CHRM3: variants seen among roughly 807,000 people sequenced by gnomAD.
CHRM3 encodes cholinergic receptor muscarinic 3, also known as muscarinic acetylcholine receptor M3.
In CHRM3, 11 loss-of-function variants were observed where a neutral mutation model predicts 41.8. The observed-to-expected ratio is 0.26, with a 90% CI of 0.17 to 0.44. The LOEUF is 0.44. Ranked by LOEUF, CHRM3 falls within the 20% of genes least tolerant of loss-of-function variation. CHRM3 has a pLI of 1.00. For synonymous variants in CHRM3, 297 were observed against 301.4 expected (o/e 0.99, Z 0.15); for missense variants, 571 against 745.4 (o/e 0.77, Z 2.72).
intron 1 of CHRM3, among the ~76,000 whole-genome samples, chr1:239,446,789 A>C (rs1166096946): frequency 6.6e-6 from 1 of 152,176 alleles, no homozygotes; most frequent in Non-Finnish European, 1.5e-5. Context: ...AGTGGTGGAA[A>C]GTTGGTGCAA....
At chr1:239,834,310 CTT>C (rs71168857) in intron 6 of CHRM3, among the ~76,000 whole-genome samples, 67 of 118,282 alleles carry the variant, frequency 5.7e-4, no homozygotes, top group African/African-American at 2.1e-3. Context: ...AACTTAATGC[CTT>C]TTTTTTTTTT....
At chr1:239,629,894 A>T (rs1411143769) in intron 3 of CHRM3, among the ~76,000 whole-genome samples, 1 of 152,144 alleles carries the variant, frequency 6.6e-6, no homozygotes, top group Non-Finnish European at 1.5e-5. Flanking sequence ...TGCCAATCTT[A>T]GTTTGATTAT....
chr1:239,652,724 C>T (rs148807353), intron 4 of CHRM3, among the ~76,000 whole-genome samples: 301 of 152,166 alleles, frequency 2.0e-3, no homozygotes, highest in African/African-American at 6.7e-3. Flanking sequence ...CTAAATGTTA[C>T]TTCTACTTAT....
intron 4 of CHRM3, among the ~76,000 whole-genome samples, chr1:239,674,085 C>A (rs1558441444): frequency 6.6e-6 from 1 of 152,122 alleles, no homozygotes; most frequent in East Asian, 1.9e-4. Flanking sequence ...ACCTGAAACA[C>A]TTCTGATCCC....
chr1:239,710,815 C>T (rs190089147), intron 5 of CHRM3, among the ~76,000 whole-genome samples: 16 of 151,876 alleles, frequency 1.1e-4, no homozygotes, highest in African/African-American at 3.6e-4. Context: ...GTTGACCACT[C>T]CTCAACCATG....
intron 5 of CHRM3, among the ~76,000 whole-genome samples, chr1:239,802,469 C>T (rs1670297759): frequency 6.6e-6 from 1 of 152,138 alleles, no homozygotes; most frequent in Non-Finnish European, 1.5e-5. Context: ...CGAATGATCC[C>T]ATCAAAAGGC....
intron 1 of CHRM3, among the ~76,000 whole-genome samples, chr1:239,475,324 G>GT (rs1300217312): frequency 1.3e-5 from 2 of 152,066 alleles, no homozygotes; most frequent in Admixed American, 6.5e-5. Flanking sequence ...ATTATATTAT[G>GT]TTCAGAATGT....
chr1:239,811,126 G>A (rs116348446), intron 5 of CHRM3, among the ~76,000 whole-genome samples: 82 of 152,290 alleles, frequency 5.4e-4, no homozygotes, highest in Non-Finnish European at 8.2e-4. Flanking sequence ...GATAGAAGCC[G>A]TCCTGACTCA....
intron 6 of CHRM3, among the ~76,000 whole-genome samples, chr1:239,833,620 C>G (rs974043006): frequency 6.6e-6 from 1 of 152,190 alleles, no homozygotes; most frequent in African/African-American, 2.4e-5. Context: ...AATTCCTGCA[C>G]GCTGGCTGAG....
chr1:239,874,295 A>ATATATATATATCTATATACACAGTC (rs1553291886), intron 6 of CHRM3, among the ~76,000 whole-genome samples: 1 of 73,162 alleles, frequency 1.4e-5, no homozygotes, highest in Non-Finnish European at 2.7e-5. Context: ...GTATATATAT[A>ATATATATATATCTATATACACAGTC]TATATATATA....
intron 1 of CHRM3, among the ~76,000 whole-genome samples, chr1:239,408,410 G>C (rs143844574): frequency 6.6e-6 from 1 of 151,766 alleles, no homozygotes; most frequent in East Asian, 2.0e-4. Context: ...TTTAGTCCCA[G>C]CTGCTGGGAA....
intron 1 of CHRM3, among the ~76,000 whole-genome samples, chr1:239,461,930 CAAAT>C (rs1665391277): frequency 6.6e-6 from 1 of 152,072 alleles, no homozygotes; most frequent in South Asian, 2.1e-4. Context: ...CTTTCAAAAG[CAAAT>C]AAATGAAGTG....
chr1:239,525,463 T>TA (rs1553318292), intron 2 of CHRM3, among the ~76,000 whole-genome samples: 1 of 149,234 alleles, frequency 6.7e-6, no homozygotes, highest in Admixed American at 6.6e-5. Flanking sequence ...TTCTTTTTTT[T>TA]AAAATTATTT....
chr1:239,483,650 C>T (rs969477611), intron 1 of CHRM3, among the ~76,000 whole-genome samples: 1 of 152,016 alleles, frequency 6.6e-6, no homozygotes, highest in Non-Finnish European at 1.5e-5. Flanking sequence ...AATGCTGCCA[C>T]CTACGTAGCT....
chr1:239,791,203 C>A (rs1479142570), intron 5 of CHRM3, among the ~76,000 whole-genome samples: 1 of 152,154 alleles, frequency 6.6e-6, no homozygotes, highest in South Asian at 2.1e-4. Context: ...CTCCCAGGTT[C>A]AAGCAATTCT....
intron 4 of CHRM3, among the ~76,000 whole-genome samples, chr1:239,673,503 G>T (rs570763536): frequency 6.6e-6 from 1 of 152,004 alleles, no homozygotes; most frequent in Non-Finnish European, 1.5e-5. Context: ...ATTTAACCAT[G>T]CAAACACATA....
intron 1 of CHRM3, among the ~76,000 whole-genome samples, chr1:239,437,543 T>G (rs984044899): frequency 2.0e-5 from 3 of 152,156 alleles, no homozygotes; most frequent in Non-Finnish European, 4.4e-5. Context: ...TATTTTTATT[T>G]TTATTTTTTT....
intron 1 of CHRM3, among the ~76,000 whole-genome samples, chr1:239,488,697 A>G (rs978213676): frequency 4.2e-5 from 5 of 119,498 alleles, no homozygotes. Flanking sequence ...CCTGGATGAC[A>G]GAGCGAGACT....
chr1:239,505,936 A>AAG (rs1360623548), intron 2 of CHRM3, among the ~76,000 whole-genome samples: 3 of 152,184 alleles, frequency 2.0e-5, no homozygotes, highest in Non-Finnish European at 4.4e-5. Context: ...TGTTTTGGCA[A>AAG]AGAGATTGGT....
Sources: allele counts gnomAD v4.1 joint callset (sites outside exome capture counted in the v4.1 genomes callset), GRCh38; gene constraint gnomAD v4.1.1; transcripts MANE v1.5; gene names NCBI Gene and HGNC (gene_info 2026-07-23, HGNC 2026-07-21).